The following VAV2 variants were observed in gnomAD, a reference collection of about 807,000 sequenced individuals.
VAV2 encodes guanine nucleotide exchange factor VAV2.
In VAV2, 67 loss-of-function variants were observed where a neutral mutation model predicts 132.5. The ratio of observed to expected loss-of-function variants is 0.51; its 90% CI spans 0.42 to 0.62. The LOEUF (loss-of-function observed/expected upper bound fraction) is 0.62, where lower values mean the gene tolerates loss of function less well. Among genes scored for constraint, VAV2 ranks in the 20% least tolerant of loss-of-function variants. The pLI is 0.00. For synonymous variants in VAV2, 492 were observed against 443.5 expected (o/e 1.11, Z -1.37); for missense variants, 938 against 1,153.6 (o/e 0.81, Z 2.71).
intron 2 of VAV2, among the ~76,000 whole-genome samples, chr9:133,871,282 G>A (rs1838027699): frequency 6.6e-6 from 1 of 151,472 alleles, no homozygotes; most frequent in African/African-American, 2.4e-5. Flanking sequence ...GTGAGTGGGT[G>A]GGTGGATGGA....
At chr9:133,916,358 A>G (rs937173858) in intron 2 of VAV2, among the ~76,000 whole-genome samples, 1 of 152,238 alleles carries the variant, frequency 6.6e-6, no homozygotes, top group Admixed American at 6.5e-5. Flanking sequence ...TCACTTGGAA[A>G]GTTTCTCTCC....
At chr9:133,803,400 C>T (rs902418646) in intron 9 of VAV2, among the ~76,000 whole-genome samples, 1 of 151,452 alleles carries the variant, frequency 6.6e-6, no homozygotes, top group Admixed American at 6.6e-5. Context: ...CCACTCCCCG[C>T]AGCATGACTC....
rs1439839293 is a variant in VAV2, at chr9:133,939,041, G to C, written c.321+62C>G. 424 of 1,510,402 alleles carry C rather than the reference G, an allele frequency of 2.8e-4. 1 individual carries two copies. Among genetic ancestry groups the C allele is most frequent in the Non-Finnish European group, 3.8e-4 (413 of 1,086,234 alleles). 93.6% of individuals were successfully genotyped at this position (1,510,402 alleles called of 1,614,324 possible). A position where few individuals can be genotyped will look rare whatever the true frequency, so the allele number is the denominator to read the frequency against. Reference sequence around the variant, plus strand: ...GCTCCATGGATCTGGCCCACCTGCCGCTGAGCCGGCAAATCGGCCACCACA... The same window carrying C: ...GCTCCATGGATCTGGCCCACCTGCCCCTGAGCCGGCAAATCGGCCACCACA... On this transcript the variant is annotated intron_variant, in intron 2 of 29. Coordinates refer to ENST00000371850, the MANE Select transcript of VAV2 (RefSeq NM_001134398.2).
chr9:133,936,731 C>T (rs1840925166), intron 2 of VAV2, among the ~76,000 whole-genome samples: 1 of 152,170 alleles, frequency 6.6e-6, no homozygotes, highest in African/African-American at 2.4e-5. Flanking sequence ...TGCACGGTGA[C>T]ATCACCTCCA....
chr9:133,931,696 G>A (rs956541249), intron 2 of VAV2, among the ~76,000 whole-genome samples: 3 of 152,204 alleles, frequency 2.0e-5, no homozygotes, highest in African/African-American at 7.2e-5. Flanking sequence ...GTGACCCGGT[G>A]CCCAGGAGGC....
At position 133,885,065 on chromosome 9, in the gene VAV2, C is replaced by G. The variant is rs1838649127; in HGVS notation, c.322-23633G>C. The stretch of plus-strand genomic sequence containing the variant: ...GAGCCAGCCACAGTGACAGGCAGAG[C>G]CTAGATAAGTTGGGCCCTTCTGGAG... On this transcript the variant is annotated intron_variant, in intron 2 of 29. Transcript: ENST00000371850. This position sits in a 1 kb window ranked among gnomAD's most constrained non-coding sequence, Gnocchi z 5.0. Among the ~76,000 whole-genome samples, 1 of 152,242 alleles carries G rather than the reference C, an allele frequency of 6.6e-6. No homozygotes were observed. The highest frequency in any genetic ancestry group is 6.5e-5 in the Admixed American group (1 of 15,286).
chr9:133,966,732 A>G (rs1842151933), intron 1 of VAV2, among the ~76,000 whole-genome samples: 2 of 152,052 alleles, frequency 1.3e-5, no homozygotes, highest in South Asian at 4.1e-4. Context: ...CTTTAAAAAA[A>G]AAAAGTCAAC....
intron 16 of VAV2, among the ~76,000 whole-genome samples, chr9:133,787,035 G>A (rs1030970041): frequency 2.6e-5 from 4 of 152,186 alleles, no homozygotes; most frequent in African/African-American, 9.7e-5. Flanking sequence ...TGAGGATCAC[G>A]GAGTTTTCCT....
intron 22 of VAV2, among the ~76,000 whole-genome samples, chr9:133,778,373 T>G (rs1588161918): frequency 1.3e-5 from 2 of 149,852 alleles, no homozygotes; most frequent in Admixed American, 6.6e-5. Context: ...GAGGTAGGGG[T>G]GGGGAGGAGG....
At chr9:133,933,586 T>G (rs928382722) in intron 2 of VAV2, among the ~76,000 whole-genome samples, 1 of 145,226 alleles carries the variant, frequency 6.9e-6, no homozygotes. Flanking sequence ...GGTGGATGGA[T>G]GGACAAATGG....
chr9:133,907,676 G>A (rs1839709715), intron 2 of VAV2, among the ~76,000 whole-genome samples: 1 of 152,336 alleles, frequency 6.6e-6, no homozygotes, highest in African/African-American at 2.4e-5. Flanking sequence ...CGCCATCCTC[G>A]TAAATCAATT....
chr9:133,974,536 A>AC lies in VAV2; in HGVS notation c.204+17538dup, dbSNP rs1379391486. On this transcript the variant is annotated intron_variant, in intron 1 of 29. Transcript: ENST00000371850. ...TGTCAGGTGTGACCACTCCACATCC[A>AC]CCCGGGGGACGGGGAGTGCACCACC... 9.2e-5 allele frequency among the ~76,000 whole-genome samples: 14 copies of AC among 152,180 alleles called. No homozygotes were observed. In the East Asian group the frequency reaches 1.6e-3, roughly 17 times the overall value.
intron 26 of VAV2, among the ~76,000 whole-genome samples, chr9:133,771,071 TTTTTTTTTTTGAGACAGA>T (rs1348232447): frequency 4.7e-5 from 7 of 148,868 alleles, no homozygotes; most frequent in Non-Finnish European, 7.4e-5. Context: ...TCTTTTTTTT[TTTTTTTTTTTGAGACAGA>T]GTCTTACTCT....
At chr9:133,779,999 T>C (rs1417005046) in intron 20 of VAV2, 60 bp from the exon 21 acceptor site, 3 of 1,605,788 alleles carry the variant, frequency 1.9e-6, no homozygotes, top group Non-Finnish European at 2.6e-6. Flanking sequence ...CTGTGGCCCA[T>C]GCATCAACGC....
At chr9:133,911,673 G>A (rs1588357159) in intron 2 of VAV2, among the ~76,000 whole-genome samples, 2 of 152,196 alleles carry the variant, frequency 1.3e-5, no homozygotes, top group Admixed American at 6.5e-5. Context: ...CAGGTAACTC[G>A]TCTTTCCTGC....
At position 133,795,786 on chromosome 9, in the gene VAV2, T is replaced by A. The variant is rs762795722; in HGVS notation, c.1033-50A>T. On this transcript the variant is annotated intron_variant, in intron 11 of 29. Coordinates refer to ENST00000371850, the MANE Select transcript of VAV2 (RefSeq NM_001134398.2). Reference sequence around the variant, plus strand: ...GTGTTACCACTCGGGGGTTCTGGCCTCTGCCCTGGCCCCTACCTGGGGCAG... The same window carrying A: ...GTGTTACCACTCGGGGGTTCTGGCCACTGCCCTGGCCCCTACCTGGGGCAG... 7.5e-6 allele frequency: 12 copies of A among 1,594,650 alleles called. No individual in the cohort carries two copies. The South Asian group carries it at 1.2e-4, about 16-fold the overall frequency.
chr9:133,960,900 C>G (rs1441152964), intron 1 of VAV2, among the ~76,000 whole-genome samples: 1 of 152,332 alleles, frequency 6.6e-6, no homozygotes, highest in South Asian at 2.1e-4. Flanking sequence ...GGCAGGAGGC[C>G]GTCATGGGAA....
At chr9:133,782,932 G>C (rs1004227139) in intron 19 of VAV2, among the ~76,000 whole-genome samples, 1 of 152,142 alleles carries the variant, frequency 6.6e-6, no homozygotes, top group Non-Finnish European at 1.5e-5. Context: ...AGCCTCCAGG[G>C]CGCATCCCTG....
intron 7 of VAV2, among the ~76,000 whole-genome samples, chr9:133,808,249 A>G (rs1835227939): frequency 6.6e-6 from 1 of 152,184 alleles, no homozygotes; most frequent in African/African-American, 2.4e-5. Flanking sequence ...TGCGTGCAGA[A>G]AGGCCGCTGG....
Sources: gnomAD v4.1 joint callset for allele counts (sites outside exome capture counted in the v4.1 genomes callset) on GRCh38, gnomAD v4.1.1 for gene constraint, Gnocchi (gnomAD v3.1) non-coding constraint, MANE v1.5 for transcripts, NCBI Gene and HGNC (gene_info 2026-07-23, HGNC 2026-07-21) for gene names.